The following GRAP2 variants were observed in gnomAD, a reference collection of about 807,000 sequenced individuals.
The protein encoded by GRAP2 is GRB2 related adaptor protein 2.
A neutral mutation model predicts 43.5 loss-of-function variants in GRAP2; 31 were observed. The observed-to-expected ratio is 0.71, with a 90% CI of 0.54 to 0.96. The LOEUF is 0.96. Among genes scored for constraint, GRAP2 ranks in the 40% least tolerant of loss-of-function variants. GRAP2 has a pLI of 0.00. For missense variants in GRAP2, 371 were observed against 424.4 expected (o/e 0.87, Z 1.11); for synonymous variants, 156 against 164.8 (o/e 0.95, Z 0.41).
chr22:39,904,150 C>T (rs1363108723), intron 1 of GRAP2, among the ~76,000 whole-genome samples: 1 of 152,090 alleles, frequency 6.6e-6, no homozygotes, highest in Non-Finnish European at 1.5e-5. Flanking sequence ...AGCACTTGGG[C>T]GGCCAAAGCA....
At chr22:39,919,429 A>T (rs553668323) in intron 1 of GRAP2, among the ~76,000 whole-genome samples, 30 of 152,304 alleles carry the variant, frequency 2.0e-4, no homozygotes, top group African/African-American at 6.7e-4. Context: ...TTCTAATTAT[A>T]TTAGACCCTG....
rs547768869 is a variant in GRAP2, at chr22:39,961,372, T to A, written c.290+1198T>A. On this transcript the variant is annotated intron_variant, in intron 4 of 7. Coordinates refer to ENST00000344138, the MANE Select transcript of GRAP2 (RefSeq NM_004810.4). ...AGGCTGCTTCTGAAACCTTCCCATC[T>A]CCTTTGGTTCGAAGCACTCAGCATG... Among the ~76,000 whole-genome samples, 6 of 152,262 alleles carry A rather than the reference T, an allele frequency of 3.9e-5. No individual in the cohort carries two copies. In the South Asian group the frequency reaches 1.2e-3, roughly 32 times the overall value.
chr22:39,922,698 G>C (rs2066663351), intron 1 of GRAP2, among the ~76,000 whole-genome samples: 1 of 152,200 alleles, frequency 6.6e-6, no homozygotes, highest in Admixed American at 6.5e-5. Flanking sequence ...TGTGGGGAAA[G>C]ACGATAAAGC....
rs138011 is a variant in GRAP2, at chr22:39,972,225, T to C, written c.*1141T>C. ...TAGAATCATGTGTCCAAGGGCTCAC[T>C]CTGGAGGTGCACAGCACAGGTCAGC... On this transcript the variant is annotated 3_prime_UTR_variant, in exon 8 of 8. Transcript: ENST00000344138. 124,773 of 152,440 alleles carry C rather than the reference T, an allele frequency of 0.82. 51,748 individuals are homozygous for C. Among genetic ancestry groups the C allele is most frequent in the African/African-American group, 0.91 (37,632 of 41,576 alleles). 9.4% of individuals were successfully genotyped at this position (152,440 alleles called of 1,614,324 possible). A position where few individuals can be genotyped will look rare whatever the true frequency, so the allele number is the denominator to read the frequency against.
chr22:39,970,694 G>A (rs1374921960), intron 7 of GRAP2, among the ~76,000 whole-genome samples: 1 of 152,186 alleles, frequency 6.6e-6, no homozygotes, highest in Non-Finnish European at 1.5e-5. Context: ...GCCAAGGCAG[G>A]AGGACTTCTT....
chr22:39,945,377 C>T (rs577982963), intron 1 of GRAP2, among the ~76,000 whole-genome samples: 1 of 152,126 alleles, frequency 6.6e-6, no homozygotes. Flanking sequence ...AGAAATGAGC[C>T]CCTTGCTATC....
intron 4 of GRAP2, 107 bp from the exon 5 acceptor site, chr22:39,965,883 C>G (rs1052674350): frequency 2.1e-6 from 2 of 951,466 alleles, no homozygotes; most frequent in African/African-American, 3.3e-5. Context: ...TCATCCATAT[C>G]TACATCTCCT....
At chr22:39,945,848 A>G (rs114865514) in intron 1 of GRAP2, among the ~76,000 whole-genome samples, 1,835 of 152,248 alleles carry the variant, frequency 0.012, 33 homozygotes, top group African/African-American at 0.041. Context: ...AATACTTTGC[A>G]TCTATAATTT....
chr22:39,906,963 A>C (rs985436635), intron 1 of GRAP2, among the ~76,000 whole-genome samples: 6 of 152,228 alleles, frequency 3.9e-5, no homozygotes, highest in African/African-American at 1.4e-4. Flanking sequence ...ATTTCTCTTC[A>C]TCATTTTATA....
At position 39,902,116 on chromosome 22, in the gene GRAP2, C is replaced by G. The variant is rs1397226359; in HGVS notation, c.-15+786C>G. Among the ~76,000 whole-genome samples the G allele has an allele frequency of 1.4e-4, 21 of 152,202 alleles. 1 individual carries two copies. Among genetic ancestry groups the G allele is most frequent in the Admixed American group, 1.4e-3 (21 of 15,278 alleles). ...AATAAAGTGTATGCAGCATAATTTG[C>G]ACACTATTGAACATACACATCCCTA... On this transcript the variant is annotated intron_variant, in intron 1 of 7. Coordinates refer to ENST00000344138, the MANE Select transcript of GRAP2 (RefSeq NM_004810.4).
At chr22:39,969,262 C>T in intron 6 of GRAP2, 149 bp from the exon 7 acceptor site, 1 of 857,758 alleles carries the variant, frequency 1.2e-6, no homozygotes, top group Middle Eastern at 2.3e-4. Flanking sequence ...GACCTTAGGT[C>T]CTCCTCAACG....
At chr22:39,911,661 A>G (rs1220453080) in intron 1 of GRAP2, among the ~76,000 whole-genome samples, 1 of 151,900 alleles carries the variant, frequency 6.6e-6, no homozygotes, top group Non-Finnish European at 1.5e-5. Context: ...GGAACATCCA[A>G]ATTTTTCTAG....
intron 4 of GRAP2, 87 bp from the exon 5 acceptor site, chr22:39,965,903 G>A: frequency 9.1e-7 from 1 of 1,097,478 alleles, no homozygotes; most frequent in Non-Finnish European, 1.4e-6. Flanking sequence ...TGCTCAAAGA[G>A]AACTCCACCA....
At chr22:39,917,267 G>A (rs1019069426) in intron 1 of GRAP2, among the ~76,000 whole-genome samples, 3 of 152,136 alleles carry the variant, frequency 2.0e-5, no homozygotes, top group Admixed American at 6.5e-5. Context: ...CTCTAACATC[G>A]TTTCTCTTCC....
intron 1 of GRAP2, among the ~76,000 whole-genome samples, chr22:39,906,083 G>T (rs996881003): frequency 1.4e-4 from 21 of 152,134 alleles, no homozygotes; most frequent in Non-Finnish European, 2.4e-4. Flanking sequence ...TGAAGTAATG[G>T]GGGGAAAAAA....
intron 1 of GRAP2, among the ~76,000 whole-genome samples, chr22:39,904,495 G>A (rs2066511322): frequency 6.6e-6 from 1 of 152,192 alleles, no homozygotes. Flanking sequence ...TTCAACAATT[G>A]CTAACTCTTT....
At chr22:39,943,210 G>C (rs2066888016) in intron 1 of GRAP2, among the ~76,000 whole-genome samples, 1 of 152,186 alleles carries the variant, frequency 6.6e-6, no homozygotes, top group Non-Finnish European at 1.5e-5. Context: ...TTCCAATGGA[G>C]GTTATTTTAA....
At chr22:39,932,872 A>G (rs548672723) in intron 1 of GRAP2, among the ~76,000 whole-genome samples, 1 of 152,288 alleles carries the variant, frequency 6.6e-6, no homozygotes, top group East Asian at 1.9e-4. Flanking sequence ...CTGTTTTTAA[A>G]ATGAGGAAAC....
At chr22:39,932,942 A>C (rs2066770754) in intron 1 of GRAP2, among the ~76,000 whole-genome samples, 1 of 152,160 alleles carries the variant, frequency 6.6e-6, no homozygotes, top group South Asian at 2.1e-4. Context: ...GTAGTAGAGA[A>C]GGGTTTGAAT....
Sources: gnomAD v4.1 joint callset for allele counts (sites outside exome capture counted in the v4.1 genomes callset) on GRCh38, gnomAD v4.1.1 for gene constraint, MANE v1.5 for transcripts, NCBI Gene and HGNC (gene_info 2026-07-23, HGNC 2026-07-21) for gene names.